Variants in TNS1 observed in about 807,000 individuals in gnomAD.
TNS1 encodes the protein tensin 1.
Under a neutral mutation model 168.6 loss-of-function variants are expected in TNS1, and 62 were observed. That is an observed-to-expected ratio of 0.37 (90% CI 0.30 to 0.45). The LOEUF (loss-of-function observed/expected upper bound fraction) is 0.45. TNS1 is among the 20% of genes least tolerant of loss of function. The pLI, the probability that TNS1 is intolerant of heterozygous loss-of-function variation, is 1.00. For missense variants in TNS1, 2,240 were observed against 2,339.4 expected (o/e 0.96, Z 0.88); for synonymous variants, 934 against 933.2 (o/e 1.00, Z -0.02).
chr2:217,982,369 C>A (rs1579406), intron 2 of TNS1, among the ~76,000 whole-genome samples: 27,656 of 151,034 alleles, frequency 0.18, 3,583 homozygotes, highest in African/African-American at 0.37. Flanking sequence ...ATGTGGAATA[C>A]TAATTTTGAT....
chr2:217,953,363 C>A (rs1957287208), intron 3 of TNS1, among the ~76,000 whole-genome samples: 1 of 152,168 alleles, frequency 6.6e-6, no homozygotes, highest in Non-Finnish European at 1.5e-5. Context: ...AGGCTGTGAG[C>A]CTTGGCTCAA....
chr2:217,978,928 A>T, intron 2 of TNS1, 126 bp from the exon 3 acceptor site: 1 of 647,712 alleles, frequency 1.5e-6, no homozygotes, highest in Non-Finnish European at 2.9e-6. Context: ...GGAGGGACGG[A>T]GGGAAGGAGA....
chr2:217,812,472 G>A (rs762949235), intron 27 of TNS1, 27 bp from the exon 28 acceptor site: 2 of 1,603,968 alleles, frequency 1.2e-6, no homozygotes, highest in African/African-American at 1.3e-5. Context: ...GGCATGTCAT[G>A]GGCAGTGATA....
chr2:217,979,528 GACACACAC>G (rs35499293), intron 2 of TNS1, among the ~76,000 whole-genome samples: 1 of 146,706 alleles, frequency 6.8e-6, no homozygotes, highest in Non-Finnish European at 1.5e-5. Context: ...GAAACACACA[GACACACAC>G]ACACACACAC....
chr2:217,916,004 C>G (rs550517494), intron 4 of TNS1, among the ~76,000 whole-genome samples: 7 of 152,338 alleles, frequency 4.6e-5, no homozygotes, highest in Admixed American at 1.3e-4. Flanking sequence ...AGAATCCCAG[C>G]TCCCCCTTTT....
At chr2:217,904,286 C>G (rs1953391155) in intron 6 of TNS1, among the ~76,000 whole-genome samples, 1 of 152,232 alleles carries the variant, frequency 6.6e-6, no homozygotes, top group Admixed American at 6.5e-5. Flanking sequence ...ACAGCCATTC[C>G]TGCCTGTGAG....
chr2:217,808,471 G>T, intron 31 of TNS1, 132 bp downstream of exon 31: 1 of 923,078 alleles, frequency 1.1e-6, no homozygotes, highest in Non-Finnish European at 1.7e-6. Flanking sequence ...TCACACATGG[G>T]CAGACCTTCC....
chr2:217,994,335 G>A (rs1317499576), intron 1 of TNS1, among the ~76,000 whole-genome samples: 2 of 152,064 alleles, frequency 1.3e-5, no homozygotes, highest in African/African-American at 2.4e-5. Flanking sequence ...AACTGCAGCA[G>A]TCCAGGCCTG....
intron 3 of TNS1, among the ~76,000 whole-genome samples, chr2:217,976,555 C>T (rs750106113): frequency 6.6e-6 from 1 of 152,226 alleles, no homozygotes. Flanking sequence ...CCCTCTCCCC[C>T]ACTTAGTTGG....
chr2:217,895,031 G>C lies in TNS1; in HGVS notation c.569C>G (p.Pro190Arg). 6.2e-7 allele frequency: 1 copy of C among 1,612,746 alleles called. No homozygotes were observed. The highest frequency in any genetic ancestry group is 8.5e-7 in the Non-Finnish European group (1 of 1,179,512). Reference sequence around the variant, plus strand: ...CTTGGCATGGAGCTTCGTGATGTCAGGTCTCCGCTCAGAGAGGTTGAACAG... The same window carrying C: ...CTTGGCATGGAGCTTCGTGATGTCACGTCTCCGCTCAGAGAGGTTGAACAG... ...YLLFNLSERR[P>R]DITKLHAKVL... The change falls in exon 9 of 33, where the codon CCT (proline) becomes CGT (arginine). Residue 190 changes from proline (P) to arginine (R), a missense_variant. Transcript: ENST00000682258.
intron 3 of TNS1, 93 bp downstream of exon 3, chr2:217,978,672 G>A: frequency 1.7e-6 from 1 of 572,918 alleles, no homozygotes; most frequent in Non-Finnish European, 3.2e-6. Flanking sequence ...CCCGGGCACC[G>A]CCCCCGCCCC....
At chr2:217,831,357 G>T in intron 22 of TNS1, 98 bp downstream of exon 22, 1 of 1,101,460 alleles carries the variant, frequency 9.1e-7, no homozygotes, top group Non-Finnish European at 1.3e-6. Flanking sequence ...GCACAAAGCT[G>T]GCTGCTGACC....
rs142036682 is a variant in TNS1, at chr2:217,887,853, G to A, written c.867-1207C>T. ...CAATAGAGATCAGTCCTTCTGCGTC[G>A]ATTGGTCGGCATTTTCCCTTTTCTG... is the stretch of plus-strand genomic sequence containing the variant. On this transcript the variant is annotated intron_variant, in intron 12 of 32. Transcript: ENST00000682258. Among the ~76,000 whole-genome samples the A allele has an allele frequency of 1.3e-3, 191 of 152,330 alleles. 1 individual carries two copies. The highest frequency in any genetic ancestry group is 3.5e-3 in the African/African-American group (146 of 41,576).
At chr2:217,994,236 C>T (rs1163651023) in intron 1 of TNS1, among the ~76,000 whole-genome samples, 1 of 152,154 alleles carries the variant, frequency 6.6e-6, no homozygotes, top group African/African-American at 2.4e-5. Flanking sequence ...TATCTCACTT[C>T]CCCTGGTTTC....
rs573694862 is a variant in TNS1 at position 217,847,260 on chromosome 2, C to T, written c.3007+250G>A. On this transcript the variant is annotated intron_variant, in intron 19 of 32. Transcript: ENST00000682258. ...GAAATCATCTGTCTGTGTATCTGTC[C>T]GCTCACTAGACTGTAAATTTCTTGA... 3.3e-5 allele frequency among the ~76,000 whole-genome samples: 5 copies of T among 152,302 alleles called. No homozygotes were observed. In the South Asian group the frequency reaches 8.3e-4, roughly 25 times the overall value.
exon 1 of TNS1, chr2:218,010,409 C>G (rs956491840): frequency 1.6e-5 from 6 of 386,306 alleles, no homozygotes; most frequent in Non-Finnish European, 2.3e-5. Flanking sequence ...GCGGCGCGGC[C>G]CGGACTGGGC....
chr2:217,853,185 A>G (rs529262151), intron 18 of TNS1, among the ~76,000 whole-genome samples: 1 of 152,336 alleles, frequency 6.6e-6, no homozygotes, highest in South Asian at 2.1e-4. Context: ...TCAATCCATC[A>G]AGGCAGGAAG....
Position 217,859,790 on chromosome 2 carries a change from C to G in TNS1, c.1430-10703G>C, listed in dbSNP as rs74806115. 2,219 of 1,081,278 alleles carry G rather than the reference C, an allele frequency of 2.1e-3. 26 individuals are homozygous for G. In the African/African-American group the frequency reaches 0.027, roughly 13 times the overall value. 67.0% of individuals were successfully genotyped at this position (1,081,278 alleles called of 1,614,324 possible). A position where few individuals can be genotyped will look rare whatever the true frequency, so the allele number is the denominator to read the frequency against. On this transcript the variant is annotated intron_variant, in intron 18 of 32. Coordinates refer to ENST00000682258, the MANE Select transcript of TNS1 (RefSeq NM_001387777.1). ...CAACCACCCAGATCCGAGAGCCATG[C>G]AGCTGAAAGGCAGGTGAACGGCCCT...
upstream of TNS1, among the ~76,000 whole-genome samples, chr2:218,014,858 GGGAAGGAAGGACGGAAGGAAGGAAGGAA>G (rs1349114182): frequency 5.1e-4 from 70 of 136,186 alleles, no homozygotes; most frequent in East Asian, 9.5e-3. Flanking sequence ...GATTGCAGGA[GGGAAGGAAGGACGGAAGGAAGGAAGGAA>G]GGAAGGAAGG....
Sources: allele counts gnomAD v4.1 joint callset (sites outside exome capture counted in the v4.1 genomes callset), GRCh38; gene constraint gnomAD v4.1.1; transcripts MANE v1.5; gene names NCBI Gene and HGNC (gene_info 2026-07-23, HGNC 2026-07-21).